The following ADAMTS9 variants were observed in gnomAD, a reference collection of about 807,000 sequenced individuals.
ADAMTS9 encodes A disintegrin and metalloproteinase with thrombospondin motifs 9.
A neutral mutation model predicts 257.1 loss-of-function variants in ADAMTS9; 107 were observed. The observed-to-expected ratio is 0.42, with a 90% CI of 0.36 to 0.49. The LOEUF is 0.49. Ranked by LOEUF, ADAMTS9 falls within the 20% of genes least tolerant of loss-of-function variation. The pLI is 0.03. For missense variants in ADAMTS9, 2,353 were observed against 2,469.1 expected (o/e 0.95, Z 1.00); for synonymous variants, 982 against 880.9 (o/e 1.11, Z -2.03).
chr3:64,633,635 A>C (rs755279787), intron 13 of ADAMTS9, 27 bp from the exon 14 acceptor site: 1 of 1,613,946 alleles, frequency 6.2e-7, no homozygotes, highest in Non-Finnish European at 8.5e-7. Flanking sequence ...ATACAACTTG[A>C]CTTTTGTGCC....
chr3:64,601,839 TC>T, intron 26 of ADAMTS9, 104 bp downstream of exon 26: 1 of 1,351,340 alleles, frequency 7.4e-7, no homozygotes, highest in Non-Finnish European at 1.0e-6. Flanking sequence ...ACAATGTCAA[TC>T]CCTTGTAAAG....
chr3:64,525,118 T>C (rs558236216), intron 38 of ADAMTS9, among the ~76,000 whole-genome samples: 10 of 152,326 alleles, frequency 6.6e-5, no homozygotes, highest in African/African-American at 2.4e-4. Context: ...ACAAGACCAA[T>C]ACCTTGTTAA....
chr3:64,669,510 G>A (rs1195388694), intron 3 of ADAMTS9, among the ~76,000 whole-genome samples: 1 of 152,146 alleles, frequency 6.6e-6, no homozygotes, highest in Non-Finnish European at 1.5e-5. Flanking sequence ...TATCCATAAA[G>A]AGAAGGCCTG....
rs138362636 is a variant in ADAMTS9 at position 64,636,111 on chromosome 3, C to T, written c.1857-2232G>A. Among the ~76,000 whole-genome samples, 18 of 151,958 alleles carry T rather than the reference C, an allele frequency of 1.2e-4. No homozygotes were observed. In the East Asian group the frequency reaches 1.4e-3, roughly 11 times the overall value. On this transcript the variant is annotated intron_variant, in intron 12 of 39. Transcript: ENST00000498707. ...ATTTTTTTTGTTCTCTTATATGACA[C>T]GTCTTAGCTGATTCTTGAAATTTAT...
intron 9 of ADAMTS9, chr3:64,650,338 C>G (rs543322944): frequency 2.6e-5 from 4 of 152,692 alleles, no homozygotes; most frequent in African/African-American, 9.6e-5. Context: ...CCCGTGGTTG[C>G]AGAAATATAC....
In ADAMTS9 at chr3:64,539,281, C is replaced by T; in HGVS notation, c.5535G>A (p.Gln1845=). 1 of 1,613,878 alleles carries T rather than the reference C, an allele frequency of 6.2e-7. No homozygotes were observed. Residue 1845 remains glutamine, a synonymous_variant, in exon 37 of 40, where the codon CAG becomes CAA. Transcript: ENST00000498707. The part of the protein sequence containing the change: ...TSMQIITTDL[Q]FARTSEGHPV... ...GATGTCCTTCGCTTGTCCTTGCAAA[C>T]TGTAAGTCAGTGGCTGTGGGGTGGA...
At chr3:64,551,857 A>C (rs1032191216) in intron 30 of ADAMTS9, among the ~76,000 whole-genome samples, 3 of 152,216 alleles carry the variant, frequency 2.0e-5, no homozygotes, top group African/African-American at 7.2e-5. Context: ...AGCTCTCACA[A>C]GTAATCTCCT....
At chr3:64,595,356 G>T (rs1420332179) in intron 27 of ADAMTS9, among the ~76,000 whole-genome samples, 1 of 152,164 alleles carries the variant, frequency 6.6e-6, no homozygotes, top group African/African-American at 2.4e-5. Context: ...TCTGAGGCAG[G>T]AACACGTTGT....
chr3:64,642,854 C>G (rs1559807021), intron 11 of ADAMTS9, among the ~76,000 whole-genome samples: 1 of 151,968 alleles, frequency 6.6e-6, no homozygotes, highest in Non-Finnish European at 1.5e-5. Context: ...GACACAGCCA[C>G]CAAGAGGGGA....
chr3:64,624,233 G>A (rs1159482129), intron 16 of ADAMTS9, among the ~76,000 whole-genome samples: 1 of 150,830 alleles, frequency 6.6e-6, no homozygotes, highest in Non-Finnish European at 1.5e-5. Context: ...AATAAACAAA[G>A]AGAGTGGGAA....
Position 64,551,045 on chromosome 3 carries a change from G to C in ADAMTS9, c.4716C>G (p.Gly1572=). 6.2e-7 allele frequency: 1 copy of C among 1,614,154 alleles called. No homozygotes were observed. The highest frequency in any genetic ancestry group is 8.5e-7 in the Non-Finnish European group (1 of 1,180,022). Reference sequence around the variant, plus strand: ...CCACCTTGCGGTACCTGGAGCCTTCGCCGCAGGTCTTGGTGCACTGTTAAA... The same window carrying C: ...CCACCTTGCGGTACCTGGAGCCTTCCCCGCAGGTCTTGGTGCACTGTTAAA... ...EEWQECTKTC[G]EGSRYRKVVC... is the part of the protein sequence containing the mutation. Residue 1572 remains glycine, a synonymous_variant, in exon 31 of 40, where the codon GGC becomes GGG. Coordinates refer to ENST00000498707, the MANE Select transcript of ADAMTS9 (RefSeq NM_182920.2).
At chr3:64,682,336 G>C (rs894341512) in intron 2 of ADAMTS9, among the ~76,000 whole-genome samples, 8 of 152,154 alleles carry the variant, frequency 5.3e-5, no homozygotes, top group African/African-American at 1.7e-4. Flanking sequence ...ACTCGTGAAC[G>C]GTTTTTGGTG....
In ADAMTS9 at chr3:64,536,725, G is replaced by A. The variant is rs78020668; in HGVS notation, c.5613+2478C>T. On this transcript the variant is annotated intron_variant, in intron 37 of 39. Coordinates refer to ENST00000498707, the MANE Select transcript of ADAMTS9 (RefSeq NM_182920.2). ...TGTGGTGATTTAAATGCTACATTGA[G>A]TAGACAATACTGAGTACAGTGACTA... Among the ~76,000 whole-genome samples the A allele has an allele frequency of 1.3e-4, 20 of 152,252 alleles. No individual in the cohort carries two copies. The East Asian group carries it at 3.7e-3, about 28-fold the overall frequency.
chr3:64,517,416 G>GTTTTTTTTTTTTTTCTT (rs2082789886), intron 39 of ADAMTS9, among the ~76,000 whole-genome samples: 1 of 52,638 alleles, frequency 1.9e-5, no homozygotes, highest in Non-Finnish European at 3.8e-5. Flanking sequence ...ATTAAAAATG[G>GTTTTTTTTTTTTTTCTT]TTTTTTTTTT....
chr3:64,569,176 C>T (rs371410856), intron 28 of ADAMTS9: 4 of 152,288 alleles, frequency 2.6e-5, no homozygotes, highest in Admixed American at 6.5e-5. Context: ...ATCTGAGAAA[C>T]TTGACTTTGA....
At chr3:64,661,775 A>T (rs888138048) in intron 3 of ADAMTS9, among the ~76,000 whole-genome samples, 2 of 152,158 alleles carry the variant, frequency 1.3e-5, no homozygotes, top group East Asian at 3.9e-4. Flanking sequence ...TTAATACATT[A>T]AGAAAGTATA....
chr3:64,537,885 T>C (rs1185032589), intron 37 of ADAMTS9, among the ~76,000 whole-genome samples: 6 of 152,228 alleles, frequency 3.9e-5, no homozygotes. Context: ...GACTAACGTC[T>C]GCTTTGCAAA....
intron 38 of ADAMTS9, 37 bp from the exon 39 acceptor site, chr3:64,522,297 G>T: frequency 6.3e-7 from 1 of 1,592,812 alleles, no homozygotes; most frequent in Non-Finnish European, 8.6e-7. Context: ...TGCCTGCTTG[G>T]TTAATGCTTT....
intron 3 of ADAMTS9, among the ~76,000 whole-genome samples, chr3:64,680,353 A>T (rs929402514): frequency 6.6e-6 from 1 of 152,206 alleles, no homozygotes; most frequent in African/African-American, 2.4e-5. Context: ...GAGACAGGGA[A>T]GTCCAAGAAT....
Sources: allele counts gnomAD v4.1 joint callset (sites outside exome capture counted in the v4.1 genomes callset), GRCh38; gene constraint gnomAD v4.1.1; transcripts MANE v1.5; gene names NCBI Gene and HGNC (gene_info 2026-07-23, HGNC 2026-07-21).